The following ARHGAP20 variants were observed in gnomAD, a reference collection of about 807,000 sequenced individuals.
ARHGAP20 encodes rho GTPase-activating protein 20.
In ARHGAP20, 34 loss-of-function variants were observed where a neutral mutation model predicts 73.7. The observed-to-expected ratio is 0.46, with a 90% CI of 0.35 to 0.61. The LOEUF (loss-of-function observed/expected upper bound fraction) is 0.61, where lower values mean the gene tolerates loss of function less well. Ranked by LOEUF, ARHGAP20 falls within the 20% of genes least tolerant of loss-of-function variation. ARHGAP20 has a pLI of 0.00. For synonymous variants in ARHGAP20, 523 were observed against 518.2 expected, an observed-to-expected ratio of 1.01 and a Z score of -0.13; for missense variants, 1,314 against 1,420.9, an observed-to-expected ratio of 0.92 and a Z score of 1.21.
Position 110,579,293 on chromosome 11 carries a change from C to G in ARHGAP20, c.*77G>C. On this transcript the variant is annotated 3_prime_UTR_variant, in exon 15 of 15. Transcript: ENST00000683387. ...TGCTACCTCTCCCAGGTATCTTATA[C>G]AAAGGGGTCATAATAATTATTGTCT... 6.7e-7 allele frequency: 1 copy of G among 1,483,000 alleles called. No individual in the cohort carries two copies. Among genetic ancestry groups the G allele is most frequent in the South Asian group, 1.5e-5 (1 of 66,652 alleles). The allele number at this position is 1,483,000 out of a possible 1,614,324, so 91.9% of individuals were successfully genotyped here. A position where few individuals can be genotyped will look rare whatever the true frequency, so the allele number is the denominator to read the frequency against.
chr11:110,615,662 T>A, intron 4 of ARHGAP20, 68 bp from the exon 5 acceptor site: 1 of 1,401,114 alleles, frequency 7.1e-7, no homozygotes, highest in Non-Finnish European at 1.0e-6. Context: ...AGATTTAGGA[T>A]TGTCAATCCA....
rs748430478 is a variant in ARHGAP20 at position 110,591,940 on chromosome 11, C to A, written c.1143+37G>T. On this transcript the variant is annotated intron_variant, in intron 10 of 14. Transcript: ENST00000683387. ...CGCAGAGCTCTCCTTTCCCAAACACCCTTTCCCATCAGTTTACAGACCAAA... is the reference window on the plus strand; with the variant it reads ...CGCAGAGCTCTCCTTTCCCAAACACACTTTCCCATCAGTTTACAGACCAAA... 3.1e-6 allele frequency: 5 copies of A among 1,601,280 alleles called. No homozygotes were observed. The South Asian group carries it at 4.5e-5, about 14-fold the overall frequency.
At chr11:110,660,193 G>T (rs1949576768) in intron 2 of ARHGAP20, among the ~76,000 whole-genome samples, 1 of 152,012 alleles carries the variant, frequency 6.6e-6, no homozygotes, top group Non-Finnish European at 1.5e-5. Context: ...GACTCATTAT[G>T]GGGCAGGGCC....
At chr11:110,594,617 T>C (rs1401804531) in intron 9 of ARHGAP20, among the ~76,000 whole-genome samples, 2 of 151,666 alleles carry the variant, frequency 1.3e-5, no homozygotes, top group Non-Finnish European at 2.9e-5. Flanking sequence ...ATTCTCAAAC[T>C]CCATTATTTA....
intron 3 of ARHGAP20, among the ~76,000 whole-genome samples, chr11:110,628,313 C>G (rs550033405): frequency 6.6e-6 from 1 of 152,124 alleles, no homozygotes; most frequent in African/African-American, 2.4e-5. Context: ...AACACTCAAT[C>G]CTTCATCCAA....
Position 110,583,545 on chromosome 11 carries a change from T to C in ARHGAP20, c.1605+3A>G, listed in dbSNP as rs745391500. 2.8e-5 allele frequency: 44 copies of C among 1,589,676 alleles called. No homozygotes were observed. The highest frequency in any genetic ancestry group is 3.5e-5 in the Non-Finnish European group (41 of 1,165,122). ...AGGGCATAAAAATGAAAAACTTCAT[T>C]ACCTTTTTTGTAAATTCGTTTTCTA... is the stretch of plus-strand genomic sequence containing the variant. On this transcript the variant is annotated splice_donor_region_variant and intron_variant, in intron 13 of 14. Coordinates refer to ENST00000683387, the MANE Select transcript of ARHGAP20 (RefSeq NM_001384657.1).
intron 2 of ARHGAP20, among the ~76,000 whole-genome samples, chr11:110,689,256 CT>C (rs1163126468): frequency 6.6e-6 from 1 of 151,920 alleles, no homozygotes; most frequent in Non-Finnish European, 1.5e-5. Flanking sequence ...CCGCCTTGGA[CT>C]CCCAATCATA....
chr11:110,648,240 A>AAT (rs1170735606), intron 2 of ARHGAP20, among the ~76,000 whole-genome samples: 2 of 92,718 alleles, frequency 2.2e-5, no homozygotes, highest in African/African-American at 7.4e-5. Flanking sequence ...TATATATGTA[A>AAT]ATATATATAT....
chr11:110,711,849 C>A (rs1177657732), intron 1 of ARHGAP20: 19 of 1,316,198 alleles, frequency 1.4e-5, no homozygotes, highest in Non-Finnish European at 1.8e-5. Context: ...GGCTGCAGAA[C>A]CGGCGGCGGA....
intron 1 of ARHGAP20, among the ~76,000 whole-genome samples, chr11:110,702,832 G>A (rs553483199): frequency 5.3e-5 from 8 of 152,176 alleles, no homozygotes; most frequent in Non-Finnish European, 8.8e-5. Flanking sequence ...TATGAGGAAT[G>A]TGAAGGACCT....
Position 110,579,186 on chromosome 11 carries a change from T to A in ARHGAP20, c.*184A>T. ...CCTCCCAAACACTTAGGTGACAAAA[T>A]TTTTAGCATAAAGTATTTGTCAAGT... On this transcript the variant is annotated 3_prime_UTR_variant, in exon 15 of 15. Coordinates refer to ENST00000683387, the MANE Select transcript of ARHGAP20 (RefSeq NM_001384657.1). 7.8e-7 allele frequency: 1 copy of A among 1,286,598 alleles called. No homozygotes were observed. The highest frequency in any genetic ancestry group is 9.9e-7 in the Non-Finnish European group (1 of 1,014,244). The allele number at this position is 1,286,598 out of a possible 1,614,324, so 79.7% of individuals were successfully genotyped here. A position where few individuals can be genotyped will look rare whatever the true frequency, so the allele number is the denominator to read the frequency against.
chr11:110,675,733 G>A (rs924814637), intron 2 of ARHGAP20, among the ~76,000 whole-genome samples: 4 of 152,084 alleles, frequency 2.6e-5, no homozygotes, highest in African/African-American at 9.7e-5. Context: ...TCTGTGGCCC[G>A]GGGACTGGGG....
Position 110,690,599 on chromosome 11 carries a change from T to G in ARHGAP20, c.136A>C (p.Ser46Arg). The change falls in exon 2 of 15, where the codon AGC becomes CGC. Residue 46 changes from serine to arginine, a missense_variant. Transcript: ENST00000683387. ...KMKTLAERRRSAPSLILDKAL... is the reference protein window; with the variant it reads ...KMKTLAERRRRAPSLILDKAL... ...TTATCCAGGATAAGAGATGGAGCGC[T>G]CCTCCTCCTTTCTGCTAGTGTTTTC... 3 of 1,614,078 alleles carry G rather than the reference T, an allele frequency of 1.9e-6. No individual in the cohort carries two copies. Among genetic ancestry groups the G allele is most frequent in the South Asian group, 1.1e-5 (1 of 91,080 alleles).
intron 1 of ARHGAP20, among the ~76,000 whole-genome samples, chr11:110,702,235 G>A (rs991744473): frequency 4.6e-5 from 7 of 151,974 alleles, no homozygotes; most frequent in South Asian, 4.2e-4. Flanking sequence ...TTCAATATAC[G>A]CAAATCAATA....
chr11:110,612,402 T>TG (rs1181798215), intron 6 of ARHGAP20, among the ~76,000 whole-genome samples: 1 of 151,270 alleles, frequency 6.6e-6, no homozygotes, highest in Non-Finnish European at 1.5e-5. Flanking sequence ...CACTCCAGCC[T>TG]GGGCGACAGA....
At chr11:110,616,710 G>T (rs1291957608) in intron 4 of ARHGAP20, among the ~76,000 whole-genome samples, 1 of 144,632 alleles carries the variant, frequency 6.9e-6, no homozygotes, top group Admixed American at 7.0e-5. Context: ...TTACCATTGA[G>T]CATACATTTT....
At chr11:110,665,608 G>A (rs1271347605) in intron 2 of ARHGAP20, among the ~76,000 whole-genome samples, 1 of 152,138 alleles carries the variant, frequency 6.6e-6, no homozygotes, top group East Asian at 1.9e-4. Flanking sequence ...ACAGAGTTGA[G>A]AAATCAAGGA....
intron 1 of ARHGAP20, among the ~76,000 whole-genome samples, chr11:110,698,723 C>T (rs1317129236): frequency 6.6e-6 from 1 of 151,916 alleles, no homozygotes; most frequent in Non-Finnish European, 1.5e-5. Context: ...TCACAGTAGT[C>T]TGTGATGATC....
chr11:110,580,621 T>C lies in ARHGAP20; in HGVS notation c.2325A>G (p.Gln775=). The change falls in exon 15 of 15, where the codon CAA becomes CAG. Residue 775 remains glutamine (Q), a synonymous_variant. Coordinates refer to ENST00000683387, the MANE Select transcript of ARHGAP20 (RefSeq NM_001384657.1). ...TDVSKKNATT[Q]NTKKKSLSGS... is the part of the protein sequence containing the mutation. The stretch of plus-strand genomic sequence containing the variant: ...CAGACAAGCTTTTCTTCTTAGTGTT[T>C]TGAGTAGTGGCATTTTTCTTGCTGA... 6.2e-7 allele frequency: 1 copy of C among 1,614,258 alleles called. No individual in the cohort carries two copies. The highest frequency in any genetic ancestry group is 1.1e-5 in the South Asian group (1 of 91,090).
Sources: gnomAD v4.1 joint callset for allele counts (sites outside exome capture counted in the v4.1 genomes callset) on GRCh38, gnomAD v4.1.1 for gene constraint, MANE v1.5 for transcripts, NCBI Gene and HGNC (gene_info 2026-07-23, HGNC 2026-07-21) for gene names.